Variants in GRM5 observed in about 807,000 individuals in gnomAD.
GRM5 encodes the protein metabotropic glutamate receptor 5.
GRM5 carries 19 observed loss-of-function variants against 83.1 expected under a neutral mutation model. That is an observed-to-expected ratio of 0.23 (90% confidence interval 0.16 to 0.34). The LOEUF (loss-of-function observed/expected upper bound fraction) is 0.34. GRM5 is among the 10% of genes least tolerant of loss of function. GRM5 has a pLI of 1.00. For synonymous variants in GRM5, 675 were observed against 633.6 expected (o/e 1.07, Z -0.98); for missense variants, 1,160 against 1,588.3 (o/e 0.73, Z 4.58).
intron 3 of GRM5, among the ~76,000 whole-genome samples, chr11:88,735,600 C>A (rs1450319901): frequency 6.6e-6 from 1 of 152,042 alleles, no homozygotes; most frequent in Non-Finnish European, 1.5e-5. Flanking sequence ...TGCCTTCACG[C>A]CTGATATCCT....
chr11:88,709,361 G>T (rs966532454), intron 3 of GRM5, among the ~76,000 whole-genome samples: 3 of 152,066 alleles, frequency 2.0e-5, no homozygotes, highest in Non-Finnish European at 4.4e-5. Flanking sequence ...ATCATGGAGA[G>T]CCAGGGTAAG....
intron 2 of GRM5, among the ~76,000 whole-genome samples, chr11:88,941,385 G>C (rs1404394242): frequency 8.7e-6 from 1 of 115,598 alleles, no homozygotes; most frequent in African/African-American, 2.8e-5. Flanking sequence ...TAATGAGAGA[G>C]AGAAAGAGAA....
chr11:89,064,928 G>T (rs1461885259), intron 1 of GRM5, among the ~76,000 whole-genome samples: 4 of 78,394 alleles, frequency 5.1e-5, no homozygotes, highest in African/African-American at 1.9e-4. Context: ...GAGAGAGAGA[G>T]AGAGAGAGAG....
intron 3 of GRM5, among the ~76,000 whole-genome samples, chr11:88,813,771 A>T (rs1943624444): frequency 6.6e-6 from 1 of 152,224 alleles, no homozygotes; most frequent in African/African-American, 2.4e-5. Context: ...ATAAAGATTC[A>T]TATAAAATGT....
At chr11:88,523,294 T>C (rs1356908535) in intron 9 of GRM5, among the ~76,000 whole-genome samples, 2 of 152,142 alleles carry the variant, frequency 1.3e-5, no homozygotes, top group African/African-American at 4.8e-5. Flanking sequence ...GTCTGTTTGA[T>C]AGTCAGCTAA....
At chr11:88,678,370 TC>T (rs952209490) in intron 3 of GRM5, among the ~76,000 whole-genome samples, 2 of 152,172 alleles carry the variant, frequency 1.3e-5, no homozygotes, top group African/African-American at 4.8e-5. Context: ...TGTTGCATTT[TC>T]AACTGCTCTA....
In GRM5 at chr11:88,619,549, T is replaced by A. The variant is rs189258172; in HGVS notation, c.1148-14585A>T. Among the ~76,000 whole-genome samples, 12 of 152,346 alleles carry A rather than the reference T, an allele frequency of 7.9e-5. No individual in the cohort carries two copies. The East Asian group carries it at 2.3e-3, about 29-fold the overall frequency. On this transcript the variant is annotated intron_variant, in intron 4 of 9. Transcript: ENST00000305447. ...GACCAAGAGGACTTCCCTAAAGTCA[T>A]ACCTCTAGTTAGTAGCAGCTAGCCT... is the stretch of plus-strand genomic sequence containing the variant.
chr11:88,602,403 G>T (rs775221305), intron 5 of GRM5, among the ~76,000 whole-genome samples: 1 of 152,134 alleles, frequency 6.6e-6, no homozygotes. Flanking sequence ...TGATTAAAAC[G>T]TGCTAACAGT....
intron 3 of GRM5, among the ~76,000 whole-genome samples, chr11:88,700,142 T>C (rs1309276974): frequency 6.6e-6 from 1 of 151,932 alleles, no homozygotes; most frequent in East Asian, 1.9e-4. Flanking sequence ...GGCCTGCAAA[T>C]AAAATAGATA....
intron 3 of GRM5, among the ~76,000 whole-genome samples, chr11:88,707,500 GT>G (rs1484245186): frequency 6.6e-6 from 1 of 152,056 alleles, no homozygotes; most frequent in African/African-American, 2.4e-5. Flanking sequence ...ATCACTTCAA[GT>G]TTCTATGCCA....
chr11:88,538,640 G>A (rs1244669275), intron 8 of GRM5, among the ~76,000 whole-genome samples: 1 of 152,170 alleles, frequency 6.6e-6, no homozygotes, highest in East Asian at 1.9e-4. Context: ...AATTGGAAAT[G>A]CAGTGAAGTC....
At chr11:88,690,001 T>A (rs1382326631) in intron 3 of GRM5, among the ~76,000 whole-genome samples, 1 of 152,176 alleles carries the variant, frequency 6.6e-6, no homozygotes, top group Non-Finnish European at 1.5e-5. Context: ...CAAAATAAAC[T>A]GTCCTTTAGG....
intron 3 of GRM5, among the ~76,000 whole-genome samples, chr11:88,821,344 C>T (rs1384086200): frequency 7.3e-5 from 5 of 68,174 alleles, no homozygotes; most frequent in Non-Finnish European, 1.7e-4. Flanking sequence ...CTTGAGGGGC[C>T]AAAAAAAAAA....
At chr11:88,631,348 A>C (rs1938964577) in intron 4 of GRM5, among the ~76,000 whole-genome samples, 1 of 152,186 alleles carries the variant, frequency 6.6e-6, no homozygotes, top group African/African-American at 2.4e-5. Context: ...TATGCTGTAA[A>C]TCATCATTCC....
intron 3 of GRM5, among the ~76,000 whole-genome samples, chr11:88,789,526 A>G (rs1943133008): frequency 6.6e-6 from 1 of 152,150 alleles, no homozygotes; most frequent in Admixed American, 6.6e-5. Context: ...GTATTTAGCC[A>G]TTTTTGATAT....
chr11:88,747,285 A>G (rs1466298790), intron 3 of GRM5, among the ~76,000 whole-genome samples: 1 of 152,344 alleles, frequency 6.6e-6, no homozygotes, highest in Middle Eastern at 3.4e-3. Flanking sequence ...TGAATACAGC[A>G]TAACAAGCTG....
chr11:88,967,130 C>T (rs61611508), intron 2 of GRM5, among the ~76,000 whole-genome samples: 3,424 of 151,584 alleles, frequency 0.023, 111 homozygotes, highest in African/African-American at 0.077. Flanking sequence ...GACAGACAAT[C>T]CAAGAAGCCA....
chr11:88,830,782 T>C (rs1407724379), intron 3 of GRM5, among the ~76,000 whole-genome samples: 2 of 152,156 alleles, frequency 1.3e-5, no homozygotes, highest in African/African-American at 4.8e-5. Flanking sequence ...TACCCAAGAC[T>C]GGGCAATTTA....
chr11:88,770,508 A>C (rs528044456), intron 3 of GRM5, among the ~76,000 whole-genome samples: 1 of 152,284 alleles, frequency 6.6e-6, no homozygotes, highest in South Asian at 2.1e-4. Context: ...TCTCTTAAAA[A>C]TGAAGTTGAT....
Sources: gnomAD v4.1 joint callset for allele counts (sites outside exome capture counted in the v4.1 genomes callset) on GRCh38, gnomAD v4.1.1 for gene constraint, MANE v1.5 for transcripts, NCBI Gene and HGNC (gene_info 2026-07-23, HGNC 2026-07-21) for gene names.